The following AP2B1 variants were observed in gnomAD, a reference collection of about 807,000 sequenced individuals.
AP2B1 encodes the protein adaptor related protein complex 2 subunit beta 1.
AP2B1 carries 23 observed loss-of-function variants against 102.0 expected under a neutral mutation model. The observed-to-expected ratio is 0.23, with a 90% CI of 0.16 to 0.32. AP2B1 has a LOEUF of 0.32. Among genes scored for constraint, AP2B1 ranks in the 10% least tolerant of loss-of-function variants. The pLI is 1.00. For missense variants in AP2B1, 541 were observed against 1,157.4 expected (o/e 0.47, Z 7.73); for synonymous variants, 381 against 421.2 (o/e 0.90, Z 1.17).
intron 9 of AP2B1, among the ~76,000 whole-genome samples, chr17:35,628,818 C>T (rs2074385693): frequency 1.3e-5 from 2 of 152,028 alleles, no homozygotes; most frequent in African/African-American, 4.8e-5. Context: ...AATAATATGC[C>T]TTTGTTTCTT....
chr17:35,613,798 A>G (rs980181461), intron 5 of AP2B1, among the ~76,000 whole-genome samples: 6 of 152,324 alleles, frequency 3.9e-5, no homozygotes, highest in Non-Finnish European at 7.4e-5. Flanking sequence ...TTCCTTTAAT[A>G]TTTGTATGGA....
At chr17:35,686,600 A>G (rs1345800833) in intron 18 of AP2B1, among the ~76,000 whole-genome samples, 4 of 152,314 alleles carry the variant, frequency 2.6e-5, no homozygotes, top group Admixed American at 1.3e-4. Flanking sequence ...GAGAACATTG[A>G]TAGCATCATT....
At chr17:35,669,184 C>T (rs1314309055) in intron 14 of AP2B1, among the ~76,000 whole-genome samples, 1 of 150,142 alleles carries the variant, frequency 6.7e-6, no homozygotes, top group Non-Finnish European at 1.5e-5. Flanking sequence ...GCTCTTGTTG[C>T]CGAGGATGAA....
At chr17:35,603,913 A>G (rs1045503478) in intron 3 of AP2B1, among the ~76,000 whole-genome samples, 4 of 152,074 alleles carry the variant, frequency 2.6e-5, no homozygotes, top group Non-Finnish European at 5.9e-5. Context: ...GTCTGCTGAA[A>G]CTGGGCACAG....
intron 4 of AP2B1, 144 bp from the exon 5 acceptor site, chr17:35,607,998 G>T: frequency 3.2e-6 from 3 of 948,336 alleles, no homozygotes; most frequent in Admixed American, 5.4e-5. Context: ...CTTAGGAAAG[G>T]AATAGCATGG....
chr17:35,596,837 C>G (rs976254619), intron 2 of AP2B1: 64 of 670,014 alleles, frequency 9.6e-5, no homozygotes, highest in Non-Finnish European at 1.6e-4. Context: ...GGCGCTGCCC[C>G]ACACCGCACA....
At chr17:35,640,068 C>T (rs2074725842) in intron 11 of AP2B1, among the ~76,000 whole-genome samples, 1 of 151,720 alleles carries the variant, frequency 6.6e-6, no homozygotes, top group African/African-American at 2.4e-5. Context: ...AGGTGTGCAC[C>T]ACCACACCTG....
At chr17:35,669,798 C>T (rs1428801811) in intron 14 of AP2B1, among the ~76,000 whole-genome samples, 1 of 152,150 alleles carries the variant, frequency 6.6e-6, no homozygotes, top group Admixed American at 6.5e-5. Flanking sequence ...AACTTTCTAC[C>T]ACTAAATGAC....
At chr17:35,711,414 A>G (rs1334291773) in intron 20 of AP2B1, among the ~76,000 whole-genome samples, 1 of 151,244 alleles carries the variant, frequency 6.6e-6, no homozygotes, top group African/African-American at 2.4e-5. Context: ...AGAAAGCAAA[A>G]AAAAAAAAAA....
At chr17:35,694,961 C>T (rs587758590) in intron 18 of AP2B1, among the ~76,000 whole-genome samples, 1 of 152,118 alleles carries the variant, frequency 6.6e-6, no homozygotes. Flanking sequence ...CTCTGCCCCC[C>T]TCTTCCCACC....
intron 18 of AP2B1, among the ~76,000 whole-genome samples, chr17:35,691,774 C>A (rs1478894504): frequency 6.6e-6 from 1 of 152,116 alleles, no homozygotes; most frequent in Non-Finnish European, 1.5e-5. Context: ...CTGGAGTCTT[C>A]ATTATGAAAG....
At chr17:35,703,834 A>AAGTTAAATTTTTTAAACAAG (rs71152745) in intron 18 of AP2B1, among the ~76,000 whole-genome samples, 1 of 152,004 alleles carries the variant, frequency 6.6e-6, no homozygotes, top group Non-Finnish European at 1.5e-5. Context: ...CTTGAAATAA[A>AAGTTAAATTTTTTAAACAAG]AGTTCAGTTT....
chr17:35,607,860 TGGTACGAACTCC>T, intron 4 of AP2B1: 1 of 277,862 alleles, frequency 3.6e-6, no homozygotes, highest in South Asian at 7.2e-5. Context: ...GGCTGTGGGA[TGGTACGAACTCC>T]CTAAACCTCT....
intron 18 of AP2B1, among the ~76,000 whole-genome samples, chr17:35,707,134 C>CTTGTTGTTGTTGTTG (rs71366478): frequency 2.0e-5 from 3 of 150,866 alleles, no homozygotes; most frequent in East Asian, 1.9e-4. Context: ...TGGTACATCC[C>CTTGTTGTTGTTGTTG]TTGTTGTTGT....
chr17:35,668,998 T>G (rs2075530138), intron 14 of AP2B1, among the ~76,000 whole-genome samples: 1 of 152,242 alleles, frequency 6.6e-6, no homozygotes, highest in African/African-American at 2.4e-5. Flanking sequence ...AAATGTTATG[T>G]AAATGTTTGT....
chr17:35,649,179 T>C (rs770497252), intron 12 of AP2B1, among the ~76,000 whole-genome samples: 3 of 152,234 alleles, frequency 2.0e-5, no homozygotes, highest in African/African-American at 4.8e-5. Context: ...ACTTAATAAA[T>C]ATTTGAATGA....
At chr17:35,598,418 A>G in intron 3 of AP2B1, 83 bp downstream of exon 3, 2 of 781,712 alleles carry the variant, frequency 2.6e-6, no homozygotes, top group Non-Finnish European at 4.0e-6. Flanking sequence ...CTTTAAAAGT[A>G]TCATAATCAT....
At chr17:35,627,331 G>A (rs1490960416) in intron 7 of AP2B1, 54 bp from the exon 8 acceptor site, 1 of 1,479,222 alleles carries the variant, frequency 6.8e-7, no homozygotes, top group African/African-American at 1.6e-5. Context: ...AGTCTCAGAA[G>A]GGTATATCAG....
intron 17 of AP2B1, among the ~76,000 whole-genome samples, chr17:35,678,474 T>A (rs1183802766): frequency 6.6e-6 from 1 of 152,196 alleles, no homozygotes; most frequent in Non-Finnish European, 1.5e-5. Flanking sequence ...AAGCATTCAG[T>A]CTTTCATCAT....
Sources: allele counts gnomAD v4.1 joint callset (sites outside exome capture counted in the v4.1 genomes callset), GRCh38; gene constraint gnomAD v4.1.1; transcripts MANE v1.5; gene names NCBI Gene and HGNC (gene_info 2026-07-23, HGNC 2026-07-21).